Variants in ANKS1B observed in about 807,000 individuals in gnomAD.
ANKS1B encodes ankyrin repeat and sterile alpha motif domain containing 1B.
In ANKS1B, 36 loss-of-function variants were observed where a neutral mutation model predicts 148.3. The ratio of observed to expected loss-of-function variants is 0.24; its 90% CI spans 0.19 to 0.32. The LOEUF (loss-of-function observed/expected upper bound fraction) is 0.32. Among genes scored for constraint, ANKS1B ranks in the 10% least tolerant of loss-of-function variants. ANKS1B has a pLI of 1.00. For synonymous variants in ANKS1B, 542 were observed against 560.8 expected, an observed-to-expected ratio of 0.97 and a Z score of 0.47; for missense variants, 1,157 against 1,542.6, an observed-to-expected ratio of 0.75 and a Z score of 4.19.
At chr12:98,783,021 T>C (rs569748656) in intron 22 of ANKS1B, among the ~76,000 whole-genome samples, 3 of 151,236 alleles carry the variant, frequency 2.0e-5, no homozygotes, top group South Asian at 2.1e-4. Flanking sequence ...CAGGCGATAG[T>C]TGGAATAACT....
chr12:98,795,629 A>T (rs1184627343), intron 22 of ANKS1B: 1 of 451,292 alleles, frequency 2.2e-6, no homozygotes, highest in Non-Finnish European at 4.4e-6. Context: ...TGGGTACAAC[A>T]TCTGTTTATT....
At chr12:99,559,597 A>G (rs964893203) in intron 9 of ANKS1B, among the ~76,000 whole-genome samples, 1 of 152,198 alleles carries the variant, frequency 6.6e-6, no homozygotes, top group African/African-American at 2.4e-5. Context: ...TATTAACTTG[A>G]TGATTTATAG....
At chr12:99,695,533 T>C (rs1448791081) in intron 8 of ANKS1B, among the ~76,000 whole-genome samples, 1 of 152,240 alleles carries the variant, frequency 6.6e-6, no homozygotes, top group Non-Finnish European at 1.5e-5. Context: ...TTGCTATCAC[T>C]GTCTTATGCA....
intron 12 of ANKS1B, among the ~76,000 whole-genome samples, chr12:99,391,954 G>T (rs555117266): frequency 6.6e-6 from 1 of 151,994 alleles, no homozygotes; most frequent in Non-Finnish European, 1.5e-5. Context: ...TGCCTCTAGG[G>T]TACCTAAAAT....
At position 99,038,779 on chromosome 12, in the gene ANKS1B, A is replaced by G. The variant is rs117979383; in HGVS notation, c.2778+14378T>C. ...TGCACTTGCCGCTCCCTCAGCCTGGAGTGCTGATCTCTGCATGGCTTCTTC... is the reference window on the plus strand; with the variant it reads ...TGCACTTGCCGCTCCCTCAGCCTGGGGTGCTGATCTCTGCATGGCTTCTTC... On this transcript the variant is annotated intron_variant, in intron 17 of 26. Coordinates refer to ENST00000683438, the MANE Select transcript of ANKS1B (RefSeq NM_001352186.2). 3.1e-3 allele frequency among the ~76,000 whole-genome samples: 477 copies of G among 152,280 alleles called. 22 individuals are homozygous for G. The East Asian group carries it at 0.069, about 22-fold the overall frequency.
chr12:98,796,875 G>T (rs184603096), intron 22 of ANKS1B, among the ~76,000 whole-genome samples: 188 of 152,114 alleles, frequency 1.2e-3, no homozygotes, highest in African/African-American at 4.2e-3. Context: ...CTTTTCTATT[G>T]CTATCAGGAT....
At chr12:98,991,853 C>T (rs73140907) in intron 17 of ANKS1B, among the ~76,000 whole-genome samples, 5,030 of 152,266 alleles carry the variant, frequency 0.033, 104 homozygotes, top group Middle Eastern at 0.1. Flanking sequence ...CATACACACA[C>T]ACAAAATTTA....
chr12:98,862,047 T>C (rs1424190883), intron 17 of ANKS1B, among the ~76,000 whole-genome samples: 1 of 152,246 alleles, frequency 6.6e-6, no homozygotes, highest in Non-Finnish European at 1.5e-5. Context: ...TCAGCCATGA[T>C]TTTAGAGTGA....
intron 17 of ANKS1B, among the ~76,000 whole-genome samples, chr12:99,001,569 T>C (rs571117544): frequency 4.2e-4 from 61 of 143,530 alleles, no homozygotes; most frequent in African/African-American, 1.5e-3. Flanking sequence ...AGGTATACTA[T>C]GTGATAATTT....
intron 9 of ANKS1B, among the ~76,000 whole-genome samples, chr12:99,544,838 G>A (rs531336240): frequency 9.2e-5 from 14 of 152,224 alleles, no homozygotes; most frequent in African/African-American, 2.9e-4. Context: ...GTCTTACATA[G>A]TTTTCACAAA....
intron 15 of ANKS1B, among the ~76,000 whole-genome samples, chr12:99,120,616 A>G (rs1156529092): frequency 6.6e-6 from 1 of 152,254 alleles, no homozygotes; most frequent in Non-Finnish European, 1.5e-5. Flanking sequence ...AAATATTATC[A>G]AGTCACAAAC....
At chr12:99,145,516 G>T (rs1334307035) in intron 15 of ANKS1B, among the ~76,000 whole-genome samples, 1 of 152,054 alleles carries the variant, frequency 6.6e-6, no homozygotes, top group Non-Finnish European at 1.5e-5. Flanking sequence ...TGTTAGGTAG[G>T]AGGGAAACTG....
intron 17 of ANKS1B, among the ~76,000 whole-genome samples, chr12:98,966,442 CT>C (rs535824804): frequency 1.8e-3 from 273 of 152,350 alleles, no homozygotes; most frequent in African/African-American, 6.1e-3. Flanking sequence ...CACTTTTACA[CT>C]GTTGGTGGGA....
intron 12 of ANKS1B, among the ~76,000 whole-genome samples, chr12:99,254,037 T>A (rs550299037): frequency 1.1e-3 from 172 of 152,294 alleles, no homozygotes; most frequent in African/African-American, 3.9e-3. Flanking sequence ...GAAAGTCAAA[T>A]GAACCCTTCC....
chr12:99,031,137 T>C (rs1598705421), intron 17 of ANKS1B, among the ~76,000 whole-genome samples: 1 of 152,244 alleles, frequency 6.6e-6, no homozygotes, highest in South Asian at 2.1e-4. Context: ...TCTACATGGA[T>C]ACACGATTTG....
chr12:99,645,359 A>G (rs2098351184), intron 9 of ANKS1B, among the ~76,000 whole-genome samples: 1 of 152,198 alleles, frequency 6.6e-6, no homozygotes, highest in Non-Finnish European at 1.5e-5. Flanking sequence ...TATACGAATA[A>G]TATCTCGATT....
At chr12:99,310,941 C>T (rs1400413700) in intron 12 of ANKS1B, among the ~76,000 whole-genome samples, 1 of 152,116 alleles carries the variant, frequency 6.6e-6, no homozygotes, top group Non-Finnish European at 1.5e-5. Context: ...GCCTCATTTT[C>T]CTCACCTTTA....
intron 14 of ANKS1B, among the ~76,000 whole-genome samples, chr12:99,193,215 C>T (rs1277968663): frequency 6.6e-6 from 1 of 152,032 alleles, no homozygotes; most frequent in African/African-American, 2.4e-5. Flanking sequence ...AAATATGGCA[C>T]TTTGGCAATT....
At chr12:98,820,766 C>T (rs1250169436) in intron 19 of ANKS1B, among the ~76,000 whole-genome samples, 1 of 152,114 alleles carries the variant, frequency 6.6e-6, no homozygotes, top group African/African-American at 2.4e-5. Context: ...TAGGTTATAA[C>T]ATGAATAGGA....
Sources: gnomAD v4.1 joint callset for allele counts (sites outside exome capture counted in the v4.1 genomes callset) on GRCh38, gnomAD v4.1.1 for gene constraint, MANE v1.5 for transcripts, NCBI Gene and HGNC (gene_info 2026-07-23, HGNC 2026-07-21) for gene names.